Variants in SUPT3H observed in about 807,000 individuals in gnomAD.
SUPT3H encodes the protein SPT3 homolog, SAGA and STAGA complex component.
A neutral mutation model predicts 44.3 loss-of-function variants in SUPT3H; 44 were observed. The observed-to-expected ratio is 0.99, with a 90% CI of 0.78 to 1.28. SUPT3H has a LOEUF of 1.28. Ranked by LOEUF, SUPT3H falls within the 50% of genes most tolerant of loss-of-function variation. The probability of loss-of-function intolerance (pLI) is 0.00; values close to 1 mark genes in which losing one functional copy is unlikely to be tolerated. For missense variants in SUPT3H, 380 were observed against 387.1 expected (o/e 0.98, Z 0.15); for synonymous variants, 124 against 125.6 (o/e 0.99, Z 0.09).
At chr6:45,249,781 G>A (rs1772045729) in intron 2 of SUPT3H, among the ~76,000 whole-genome samples, 1 of 151,934 alleles carries the variant, frequency 6.6e-6, no homozygotes, top group Non-Finnish European at 1.5e-5. Flanking sequence ...CCAGAGAAAC[G>A]CTGTGTTTGT....
intron 10 of SUPT3H, among the ~76,000 whole-genome samples, chr6:44,927,754 G>A (rs1372225216): frequency 6.6e-6 from 1 of 152,062 alleles, no homozygotes; most frequent in African/African-American, 2.4e-5. Context: ...TTTTTACATG[G>A]TATTTAAATT....
chr6:45,192,353 T>C (rs908127722), intron 2 of SUPT3H, among the ~76,000 whole-genome samples: 31 of 152,060 alleles, frequency 2.0e-4, no homozygotes, highest in African/African-American at 5.8e-4. Context: ...ACGAAACTGT[T>C]TGAAAAAGCA....
intron 10 of SUPT3H, among the ~76,000 whole-genome samples, chr6:44,831,260 G>A (rs1490632365): frequency 6.6e-6 from 1 of 152,210 alleles, no homozygotes; most frequent in Non-Finnish European, 1.5e-5. Context: ...CATTCCAAGT[G>A]TCATTCCTCA....
chr6:44,889,012 C>A (rs1762815871), intron 10 of SUPT3H, among the ~76,000 whole-genome samples: 1 of 145,822 alleles, frequency 6.9e-6, no homozygotes, highest in Non-Finnish European at 1.5e-5. Context: ...AACTCCCATG[C>A]ACAATTGCTT....
At chr6:45,106,311 A>G (rs779535513) in intron 2 of SUPT3H, among the ~76,000 whole-genome samples, 11 of 152,144 alleles carry the variant, frequency 7.2e-5, no homozygotes. Context: ...ATGTGCCTAT[A>G]GTCCCAGCTA....
intron 2 of SUPT3H, among the ~76,000 whole-genome samples, chr6:45,221,846 A>G (rs1188016531): frequency 6.6e-6 from 1 of 152,184 alleles, no homozygotes; most frequent in African/African-American, 2.4e-5. Flanking sequence ...AAGAAGAACA[A>G]ATGAAAGGAC....
At chr6:45,216,959 C>T (rs1433011893) in intron 2 of SUPT3H, among the ~76,000 whole-genome samples, 1 of 152,022 alleles carries the variant, frequency 6.6e-6, no homozygotes, top group Non-Finnish European at 1.5e-5. Context: ...AGAAGTAGGG[C>T]ATAGAATAGT....
downstream of SUPT3H, among the ~76,000 whole-genome samples, chr6:44,824,074 G>A (rs1386093629): frequency 6.6e-6 from 1 of 152,236 alleles, no homozygotes; most frequent in Non-Finnish European, 1.5e-5. Flanking sequence ...TGGCCCCTCT[G>A]GCTTGGTATC....
At chr6:44,928,909 A>AG (rs1554168839) in intron 10 of SUPT3H, among the ~76,000 whole-genome samples, 3 of 139,076 alleles carry the variant, frequency 2.2e-5, no homozygotes, top group Non-Finnish European at 3.1e-5. Context: ...AAAAAAGAAA[A>AG]GAAAAGAAAC....
At chr6:45,288,915 T>C (rs1448161975) in intron 2 of SUPT3H, among the ~76,000 whole-genome samples, 1 of 152,078 alleles carries the variant, frequency 6.6e-6, no homozygotes, top group South Asian at 2.1e-4. Context: ...TTTTAAAGAA[T>C]TACATGAGAC....
chr6:44,912,269 T>G (rs147064549), intron 10 of SUPT3H, among the ~76,000 whole-genome samples: 1 of 152,178 alleles, frequency 6.6e-6, no homozygotes, highest in Non-Finnish European at 1.5e-5. Context: ...TAGCTTCTAA[T>G]CTACTTTCTG....
At chr6:45,065,873 C>T (rs1233342778) in intron 3 of SUPT3H, among the ~76,000 whole-genome samples, 8 of 144,422 alleles carry the variant, frequency 5.5e-5, no homozygotes, top group African/African-American at 1.5e-4. Flanking sequence ...CCGAATTCTA[C>T]CAGAGGTACA....
At chr6:44,944,808 A>C (rs13211052) in intron 9 of SUPT3H, among the ~76,000 whole-genome samples, 1 of 150,338 alleles carries the variant, frequency 6.7e-6, no homozygotes, top group African/African-American at 2.4e-5. Flanking sequence ...AGATACAGAC[A>C]GACAGAAAGG....
At chr6:45,096,896 ATATCTAT>A (rs1562451608) in intron 3 of SUPT3H, among the ~76,000 whole-genome samples, 4 of 152,194 alleles carry the variant, frequency 2.6e-5, no homozygotes, top group African/African-American at 9.7e-5. Context: ...ATCTTGATAT[ATATCTAT>A]CAGGAGATAA....
intron 2 of SUPT3H, among the ~76,000 whole-genome samples, chr6:45,130,015 C>T (rs1803182676): frequency 6.6e-6 from 1 of 152,166 alleles, no homozygotes; most frequent in South Asian, 2.1e-4. Flanking sequence ...ATTTTTAACA[C>T]TTTCACTGAG....
chr6:44,997,133 G>T (rs1781377272), intron 6 of SUPT3H, among the ~76,000 whole-genome samples: 1 of 151,640 alleles, frequency 6.6e-6, no homozygotes, highest in Non-Finnish European at 1.5e-5. Flanking sequence ...CTTCTTTAAT[G>T]AAAATTTCTT....
chr6:45,003,210 C>G (rs189099138), intron 6 of SUPT3H, among the ~76,000 whole-genome samples: 1 of 152,100 alleles, frequency 6.6e-6, no homozygotes, highest in South Asian at 2.1e-4. Flanking sequence ...GGGTACTACC[C>G]TAGCTAGTAA....
chr6:44,905,464 A>T (rs1190971740), intron 10 of SUPT3H, among the ~76,000 whole-genome samples: 4 of 150,682 alleles, frequency 2.7e-5, no homozygotes, highest in African/African-American at 4.9e-5. Flanking sequence ...TCAAAACCAC[A>T]ATGAGATACC....
At chr6:44,969,690 G>A (rs1777292714) in intron 6 of SUPT3H, among the ~76,000 whole-genome samples, 1 of 152,170 alleles carries the variant, frequency 6.6e-6, no homozygotes, top group Non-Finnish European at 1.5e-5. Flanking sequence ...GACTGATGAA[G>A]TAGAAACCAA....
Sources: gnomAD v4.1 joint callset for allele counts (sites outside exome capture counted in the v4.1 genomes callset) on GRCh38, gnomAD v4.1.1 for gene constraint, MANE v1.5 for transcripts, NCBI Gene and HGNC (gene_info 2026-07-23, HGNC 2026-07-21) for gene names.